ADCY9: variants seen among roughly 807,000 people sequenced by gnomAD.
ADCY9 encodes adenylate cyclase type 9.
ADCY9 carries 50 observed loss-of-function variants against 101.5 expected under a neutral mutation model. The ratio of observed to expected loss-of-function variants is 0.49; its 90% CI spans 0.39 to 0.62. The LOEUF (loss-of-function observed/expected upper bound fraction) is 0.62. Among genes scored for constraint, ADCY9 ranks in the 20% least tolerant of loss-of-function variants. ADCY9 has a pLI of 0.00. For synonymous variants in ADCY9, 905 were observed against 769.3 expected (o/e 1.18, Z -2.92); for missense variants, 1,662 against 1,800.4 (o/e 0.92, Z 1.39).
Position 3,975,041 on chromosome 16 carries a change from C to A in ADCY9, c.2829-331G>T, listed in dbSNP as rs574731683. ...GTGGAACTTCAACCATCATCCCTAC[C>A]CCAGATCTGCTATTTGAACTCTGGG... On this transcript the variant is annotated intron_variant, in intron 9 of 10. Transcript: ENST00000294016. Among the ~76,000 whole-genome samples the A allele has an allele frequency of 3.9e-5, 6 of 152,272 alleles. No homozygotes were observed. The South Asian group carries it at 1.2e-3, about 32-fold the overall frequency.
intron 2 of ADCY9, among the ~76,000 whole-genome samples, chr16:4,102,346 A>G (rs551439502): frequency 3.3e-5 from 5 of 152,306 alleles, no homozygotes; most frequent in African/African-American, 9.6e-5. Context: ...ATCAGAAATC[A>G]AAATCCAAGC....
rs138026074 is a variant in ADCY9, at chr16:4,095,868, T to G, written c.1693+17882A>C. On this transcript the variant is annotated intron_variant, in intron 2 of 10. Transcript: ENST00000294016. ...GTTGCATGACTATAGTCCCAGCTAC[T>G]CGAGAGGCTGAGGCACAAGACTCAC... 6.4e-3 allele frequency among the ~76,000 whole-genome samples: 958 copies of G among 150,704 alleles called. 13 individuals carry two copies. The highest frequency in any genetic ancestry group is 0.022 in the African/African-American group (903 of 40,986).
In ADCY9 at chr16:3,974,700, T is replaced by C. The variant is rs780559235; in HGVS notation, c.2839A>G (p.Thr947Ala). 6.2e-7 allele frequency: 1 copy of C among 1,612,818 alleles called. No individual in the cohort carries two copies. Among genetic ancestry groups the C allele is most frequent in the Non-Finnish European group, 8.5e-7 (1 of 1,179,030 alleles). ...VSLCPDSSVL[T>A]SPLDAVQNFS... is the part of the protein sequence containing the mutation. ...TTCTGTACTGCGTCAAGGGGCGAAG[T>C]TAATACAGAACTGAAATTAAAATGC... Residue 947 changes from threonine (T) to alanine (A), a missense_variant, in exon 10 of 11, where the codon ACT becomes GCT. Physicochemically the swap from Thr to Ala is moderately conservative, Grantham distance 58 (BLOSUM62 0). This residue lies in a region of ADCY9 where 624 missense variants were observed against 639.1 expected (regional missense o/e 0.98). Transcript: ENST00000294016.
chr16:4,057,681 T>C (rs1468371013), intron 2 of ADCY9, among the ~76,000 whole-genome samples: 2 of 152,228 alleles, frequency 1.3e-5, no homozygotes, highest in East Asian at 3.8e-4. Flanking sequence ...TCTGAAACAT[T>C]ACTCTGAAGG....
At chr16:4,055,833 CAA>C (rs796893971) in intron 2 of ADCY9, among the ~76,000 whole-genome samples, 13 of 132,588 alleles carry the variant, frequency 9.8e-5, no homozygotes, top group Admixed American at 7.6e-4. Context: ...GGATCCGTTT[CAA>C]AAAAAAAAAA....
At chr16:4,094,992 T>C (rs1419462650) in intron 2 of ADCY9, among the ~76,000 whole-genome samples, 2 of 147,704 alleles carry the variant, frequency 1.4e-5, no homozygotes, top group Non-Finnish European at 3.0e-5. Context: ...TTCCTTTCAA[T>C]GTTGATGACA....
In ADCY9 at chr16:4,000,260, C is replaced by T. The variant is rs752914422; in HGVS notation, c.1885-6750G>A. On this transcript the variant is annotated intron_variant, in intron 3 of 10. Coordinates refer to ENST00000294016, the MANE Select transcript of ADCY9 (RefSeq NM_001116.4). ...AGGTACTATGATCGGTTCCATTTTA[C>T]AGATGAGGACACTGAGACAGAGCAA... Among the ~76,000 whole-genome samples, 5 of 152,226 alleles carry T rather than the reference C, an allele frequency of 3.3e-5. No individual in the cohort carries two copies. In the East Asian group the frequency reaches 5.8e-4, roughly 18 times the overall value.
chr16:4,106,571 C>G (rs1484378776), intron 2 of ADCY9, among the ~76,000 whole-genome samples: 2 of 152,194 alleles, frequency 1.3e-5, no homozygotes, highest in Admixed American at 6.5e-5. Context: ...AGATGGATGA[C>G]AGGCCCCTAA....
At chr16:3,988,425 G>A (rs1474914909) in intron 6 of ADCY9, among the ~76,000 whole-genome samples, 2 of 150,964 alleles carry the variant, frequency 1.3e-5, no homozygotes, top group Admixed American at 1.3e-4. Context: ...CAGGTCGGTG[G>A]GGAGTTCCCT....
At chr16:4,106,449 C>T (rs1420250235) in intron 2 of ADCY9, among the ~76,000 whole-genome samples, 1 of 152,172 alleles carries the variant, frequency 6.6e-6, no homozygotes, top group Non-Finnish European at 1.5e-5. Context: ...AGTTCCCTTC[C>T]TGTTTCAAAA....
chr16:4,115,576 C>T lies in ADCY9; in HGVS notation c.-43-91G>A. The T allele has an allele frequency of 8.9e-7, 1 of 1,126,890 alleles. No individual in the cohort carries two copies. The highest frequency in any genetic ancestry group is 1.2e-6 in the Non-Finnish European group (1 of 819,096). The allele number at this position is 1,126,890 out of a possible 1,614,324, so 69.8% of individuals were successfully genotyped here. On this transcript the variant is annotated intron_variant, in intron 1 of 10. Coordinates refer to ENST00000294016, the MANE Select transcript of ADCY9 (RefSeq NM_001116.4). The surrounding 1 kb of genome is among the most constrained non-coding windows in gnomAD (Gnocchi z 6.2). ...CCTGCTCCTGTCCTAAGGGGCGGCT[C>T]CAGCACGCGACCTGGACAGGCACCA... is the stretch of plus-strand genomic sequence containing the variant.
chr16:4,054,099 G>C (rs2056720187), intron 2 of ADCY9: 2 of 152,122 alleles, frequency 1.3e-5, no homozygotes, highest in East Asian at 1.9e-4. Context: ...TTCTATTATA[G>C]ATGGCTCACG....
At chr16:4,009,778 T>A (rs1291697795) in intron 2 of ADCY9, among the ~76,000 whole-genome samples, 3 of 152,310 alleles carry the variant, frequency 2.0e-5, no homozygotes, top group Middle Eastern at 3.4e-3. Context: ...TAACTTCACT[T>A]TGCCAGAGTT....
intron 8 of ADCY9, 121 bp downstream of exon 8, chr16:3,978,995 G>A (rs563616978): frequency 2.9e-5 from 37 of 1,296,704 alleles, no homozygotes; most frequent in African/African-American, 4.4e-5. Context: ...GATTACAGGC[G>A]TGAGCCACCA....
chr16:3,966,633 G>A lies in ADCY9; in HGVS notation c.3204C>T (p.Ser1068=), dbSNP rs780553710. 21 of 1,614,040 alleles carry A rather than the reference G, an allele frequency of 1.3e-5. No individual in the cohort carries two copies. The highest frequency in any genetic ancestry group is 1.6e-4 in the Middle Eastern group (1 of 6,084). The change falls in exon 11 of 11, where the codon AGC becomes AGT. Residue 1068 remains serine (S), a synonymous_variant. Transcript: ENST00000294016. ...CCTCGTAGTTCTCCTCGTAGAACTCGCTGAAGTTGACGATGCTGGCGAAGA... is the reference window on the plus strand; with the variant it reads ...CCTCGTAGTTCTCCTCGTAGAACTCACTGAAGTTGACGATGCTGGCGAAGA... ...GVIFASIVNF[S]EFYEENYEGG...
At chr16:4,044,436 C>G (rs752302649) in intron 2 of ADCY9, among the ~76,000 whole-genome samples, 2 of 152,018 alleles carry the variant, frequency 1.3e-5, no homozygotes, top group Non-Finnish European at 2.9e-5. Flanking sequence ...TAGGACGGAG[C>G]CATTTTCTTC....
chr16:4,050,105 G>A (rs1230514343), intron 2 of ADCY9, among the ~76,000 whole-genome samples: 1 of 152,060 alleles, frequency 6.6e-6, no homozygotes, highest in East Asian at 1.9e-4. Context: ...TGGCTGCCAT[G>A]TTCCTGGGCC....
intron 2 of ADCY9, among the ~76,000 whole-genome samples, chr16:4,054,872 G>C (rs1409197748): frequency 3.3e-5 from 5 of 151,942 alleles, no homozygotes; most frequent in Non-Finnish European, 5.9e-5. Flanking sequence ...CAGCCGAAAT[G>C]GATATTTTGA....
intron 2 of ADCY9, among the ~76,000 whole-genome samples, chr16:4,050,369 G>A (rs1350209618): frequency 6.6e-6 from 1 of 152,206 alleles, no homozygotes; most frequent in Non-Finnish European, 1.5e-5. Flanking sequence ...GTGCCCGTGT[G>A]TGTATGTACA....
Sources: gnomAD v4.1 joint callset for allele counts (sites outside exome capture counted in the v4.1 genomes callset) on GRCh38, gnomAD v4.1.1 for gene constraint, gnomAD v4.1.1 regional missense constraint, Gnocchi (gnomAD v3.1) non-coding constraint, MANE v1.5 for transcripts, NCBI Gene and HGNC (gene_info 2026-07-23, HGNC 2026-07-21) for gene names.